Variants in LPP observed in about 807,000 individuals in gnomAD.
LPP encodes the protein lipoma-preferred partner.
A neutral mutation model predicts 60.4 loss-of-function variants in LPP; 38 were observed. That is an observed-to-expected ratio of 0.63 (90% CI 0.49 to 0.83). The LOEUF (loss-of-function observed/expected upper bound fraction) is 0.83, where lower values mean the gene tolerates loss of function less well. Ranked by LOEUF, LPP falls within the 40% of genes least tolerant of loss-of-function variation. The pLI, the probability that LPP is intolerant of heterozygous loss-of-function variation, is 0.00. For missense variants in LPP, 902 were observed against 783.6 expected (o/e 1.15, Z -1.80); for synonymous variants, 328 against 290.8 (o/e 1.13, Z -1.30).
intron 9 of LPP, among the ~76,000 whole-genome samples, chr3:188,767,767 C>T (rs748197841): frequency 5.3e-5 from 8 of 152,108 alleles, no homozygotes; most frequent in East Asian, 1.9e-4. Flanking sequence ...GCAATGAGAA[C>T]GGGATGGAGC....
intron 3 of LPP, among the ~76,000 whole-genome samples, chr3:188,399,804 G>A (rs1280562706): frequency 6.6e-6 from 1 of 152,120 alleles, no homozygotes; most frequent in African/African-American, 2.4e-5. Flanking sequence ...TTCAGTTTTG[G>A]TGATCTATAT....
chr3:188,696,659 T>A (rs2149528540), intron 7 of LPP, among the ~76,000 whole-genome samples: 1 of 152,326 alleles, frequency 6.6e-6, no homozygotes, highest in African/African-American at 2.4e-5. Flanking sequence ...GGTAGTAAAA[T>A]TCAGCATCCT....
At chr3:188,238,399 C>G (rs1445219472) in intron 2 of LPP, among the ~76,000 whole-genome samples, 2 of 151,332 alleles carry the variant, frequency 1.3e-5, no homozygotes, top group Non-Finnish European at 2.9e-5. Flanking sequence ...GTATGCACAT[C>G]TTGGCTGTTT....
In LPP at chr3:188,866,328, A is replaced by C. The variant is rs753815440; in HGVS notation, c.1539A>C (p.Pro513=). 6.3e-7 allele frequency: 1 copy of C among 1,581,428 alleles called. No individual in the cohort carries two copies. Among genetic ancestry groups the C allele is most frequent in the Non-Finnish European group, 8.6e-7 (1 of 1,162,540 alleles). ...VMCHRSLDGI[P]FTVDAGGLIH... ...GCCACCGCAGCCTGGATGGGATCCC[A>C]TTCACTGTGGATGCTGGCGGGCTCA... Residue 513 remains proline, a synonymous_variant, in exon 10 of 12, where the codon CCA becomes CCC. Transcript: ENST00000617246.
chr3:188,752,848 A>G (rs1728533472), intron 8 of LPP, among the ~76,000 whole-genome samples: 1 of 152,184 alleles, frequency 6.6e-6, no homozygotes, highest in African/African-American at 2.4e-5. Context: ...CCTGATGGAA[A>G]GCTAGAGTTG....
chr3:188,368,930 C>A (rs1257555251), intron 3 of LPP, among the ~76,000 whole-genome samples: 1 of 152,128 alleles, frequency 6.6e-6, no homozygotes, highest in East Asian at 1.9e-4. Context: ...GGTCACCCGC[C>A]ACATTTTATC....
At chr3:188,368,184 A>G (rs1424904582) in intron 3 of LPP, among the ~76,000 whole-genome samples, 2 of 152,324 alleles carry the variant, frequency 1.3e-5, no homozygotes, top group Admixed American at 1.3e-4. Flanking sequence ...TAGCACTTTA[A>G]CTCAGAGAGT....
In LPP at chr3:188,760,257, A is replaced by G; in HGVS notation, c.1385A>G (p.Lys462Arg). The part of the protein sequence containing the change: ...RGQPFYAVEK[K>R]AYCEPCYINT... ...CAGCCATTCTATGCTGTGGAAAAGA[A>G]AGCATACTGCGAGCCCTGCTACATT... is the stretch of plus-strand genomic sequence containing the variant. The change falls in exon 9 of 12, where the codon AAA (lysine) becomes AGA (arginine). Residue 462 changes from lysine to arginine, a missense_variant. Physicochemically the swap from Lys to Arg is conservative, Grantham distance 26. Coordinates refer to ENST00000617246, the MANE Select transcript of LPP (RefSeq NM_001375462.1). 1 of 1,614,154 alleles carries G rather than the reference A, an allele frequency of 6.2e-7. No individual in the cohort carries two copies. Among genetic ancestry groups the G allele is most frequent in the Non-Finnish European group, 8.5e-7 (1 of 1,180,006 alleles).
intron 2 of LPP, among the ~76,000 whole-genome samples, chr3:188,271,454 G>A (rs991482983): frequency 4.6e-5 from 7 of 152,174 alleles, no homozygotes; most frequent in Non-Finnish European, 7.3e-5. Flanking sequence ...CTCAAGAGAC[G>A]GAATTAGGGA....
At chr3:188,394,536 T>C (rs1472790966) in intron 3 of LPP, among the ~76,000 whole-genome samples, 1 of 143,804 alleles carries the variant, frequency 7.0e-6, no homozygotes, top group East Asian at 2.2e-4. Context: ...TTGCTACTTC[T>C]TTAAAAATAT....
intron 4 of LPP, among the ~76,000 whole-genome samples, chr3:188,424,888 A>C (rs1788863279): frequency 6.6e-6 from 1 of 152,204 alleles, no homozygotes; most frequent in Non-Finnish European, 1.5e-5. Flanking sequence ...TGTCATCTGC[A>C]AACAGAGACA....
intron 1 of LPP, among the ~76,000 whole-genome samples, chr3:188,211,828 TTTC>T (rs1169699093): frequency 1.9e-4 from 26 of 133,822 alleles, no homozygotes; most frequent in Non-Finnish European, 3.4e-4. Context: ...GGCTGTTCTT[TTTC>T]TTTTTTTTTT....
At chr3:188,733,665 C>G (rs1022048344) in intron 8 of LPP, among the ~76,000 whole-genome samples, 1 of 152,156 alleles carries the variant, frequency 6.6e-6, no homozygotes, top group East Asian at 1.9e-4. Flanking sequence ...AAACTCTTGA[C>G]TTTGCTTGCT....
At chr3:188,791,849 G>A (rs1223387471) in intron 9 of LPP, among the ~76,000 whole-genome samples, 1 of 152,008 alleles carries the variant, frequency 6.6e-6, no homozygotes, top group Non-Finnish European at 1.5e-5. Flanking sequence ...TATAGATTTT[G>A]GTTTTGTTTG....
At chr3:188,622,420 G>A (rs1365145911) in intron 7 of LPP, among the ~76,000 whole-genome samples, 2 of 152,106 alleles carry the variant, frequency 1.3e-5, no homozygotes, top group African/African-American at 4.8e-5. Flanking sequence ...ATTCTGTCTA[G>A]TTGGGACATA....
intron 3 of LPP, among the ~76,000 whole-genome samples, chr3:188,387,304 A>G (rs191235794): frequency 1.0e-3 from 159 of 152,158 alleles, no homozygotes; most frequent in African/African-American, 3.7e-3. Context: ...ATTCCTTTCA[A>G]GTCTTTAGCT....
chr3:188,603,752 TAACTC>T (rs1841896378), intron 6 of LPP, among the ~76,000 whole-genome samples: 1 of 152,142 alleles, frequency 6.6e-6, no homozygotes, highest in Non-Finnish European at 1.5e-5. Flanking sequence ...ATTCTTCAAA[TAACTC>T]AAATAATTGT....
intron 5 of LPP, among the ~76,000 whole-genome samples, chr3:188,498,873 T>A (rs1469177293): frequency 6.6e-6 from 1 of 152,192 alleles, no homozygotes; most frequent in East Asian, 1.9e-4. Context: ...CTCATTGTAG[T>A]TTTGATTTGC....
intron 4 of LPP, among the ~76,000 whole-genome samples, chr3:188,452,650 CT>C (rs1796862121): frequency 6.6e-6 from 1 of 152,094 alleles, no homozygotes; most frequent in Admixed American, 6.5e-5. Flanking sequence ...CTTCTGCCCC[CT>C]AACCTTAAAG....
Sources: gnomAD v4.1 joint callset for allele counts (sites outside exome capture counted in the v4.1 genomes callset) on GRCh38, gnomAD v4.1.1 for gene constraint, MANE v1.5 for transcripts, NCBI Gene and HGNC (gene_info 2026-07-23, HGNC 2026-07-21) for gene names.